Variants in IPPK observed in about 807,000 individuals in gnomAD.
The protein encoded by IPPK is IPK1 homolog.
Under a neutral mutation model 64.6 loss-of-function variants are expected in IPPK, and 22 were observed. That is an observed-to-expected ratio of 0.34 (90% CI 0.24 to 0.49). The LOEUF (loss-of-function observed/expected upper bound fraction) is 0.49, where lower values mean the gene tolerates loss of function less well. IPPK is among the 20% of genes least tolerant of loss of function. The pLI, the probability that IPPK is intolerant of heterozygous loss-of-function variation, is 0.99. For missense variants in IPPK, 532 were observed against 630.7 expected (o/e 0.84, Z 1.68); for synonymous variants, 262 against 247.2 (o/e 1.06, Z -0.56).
intron 4 of IPPK, among the ~76,000 whole-genome samples, chr9:92,650,442 C>T (rs970914038): frequency 3.3e-5 from 5 of 152,152 alleles, no homozygotes; most frequent in Non-Finnish European, 5.9e-5. Flanking sequence ...TCAGCCACAC[C>T]GATGGTCAGC....
intron 11 of IPPK, among the ~76,000 whole-genome samples, chr9:92,622,091 G>A (rs1361789451): frequency 2.0e-5 from 3 of 152,002 alleles, no homozygotes; most frequent in Non-Finnish European, 4.4e-5. Context: ...CATCTCAATA[G>A]AAATAGAAAA....
chr9:92,653,063 G>A (rs543297832), intron 3 of IPPK, among the ~76,000 whole-genome samples: 5 of 152,280 alleles, frequency 3.3e-5, no homozygotes, highest in South Asian at 2.1e-4. Context: ...AGAACCTCAC[G>A]CTTCCACCTG....
intron 11 of IPPK, among the ~76,000 whole-genome samples, chr9:92,633,397 C>T (rs1329400858): frequency 3.3e-5 from 5 of 151,178 alleles, no homozygotes; most frequent in Non-Finnish European, 4.4e-5. Context: ...TTTTTTGAGA[C>T]GGGGCTTGCT....
chr9:92,668,610 A>G (rs994154103), intron 1 of IPPK, among the ~76,000 whole-genome samples: 5 of 152,256 alleles, frequency 3.3e-5, no homozygotes, highest in Admixed American at 6.5e-5. Flanking sequence ...GTTTTGGGAA[A>G]GGATTCAGGG....
intron 3 of IPPK, among the ~76,000 whole-genome samples, chr9:92,652,974 C>G (rs1852298542): frequency 6.6e-6 from 1 of 152,216 alleles, no homozygotes; most frequent in Non-Finnish European, 1.5e-5. Flanking sequence ...GAGCCCCCTT[C>G]TGGTCTCTAC....
At chr9:92,641,429 G>A (rs944508461) in intron 7 of IPPK, among the ~76,000 whole-genome samples, 1 of 152,198 alleles carries the variant, frequency 6.6e-6, no homozygotes, top group African/African-American at 2.4e-5. Flanking sequence ...ACTCCCAAAA[G>A]CCTGCATTCT....
chr9:92,648,099 T>C lies in IPPK; in HGVS notation c.464A>G (p.Lys155Arg), dbSNP rs765362163. 6.2e-7 allele frequency: 1 copy of C among 1,613,594 alleles called. No homozygotes were observed. Reference sequence around the variant, plus strand: ...CATGCAGTATCGACAGACCTTATGCTTCATCTCATGCGTGACATCACTCGA... The same window carrying C: ...CATGCAGTATCGACAGACCTTATGCCTCATCTCATGCGTGACATCACTCGA... ...PFSSDVTHEM[K>R]HKVCRYCMHQ... Residue 155 changes from lysine (K) to arginine (R), a missense_variant, in exon 6 of 13, where the codon AAG becomes AGG. Physicochemically the swap from Lys to Arg is conservative, Grantham distance 26. Coordinates refer to ENST00000287996, the MANE Select transcript of IPPK (RefSeq NM_022755.6).
At chr9:92,629,727 T>G (rs965551227) in intron 11 of IPPK, among the ~76,000 whole-genome samples, 5 of 143,134 alleles carry the variant, frequency 3.5e-5, no homozygotes, top group African/African-American at 5.1e-5. Flanking sequence ...AAAAAAAAAG[T>G]AGGCAAAGGA....
rs760996570 is a variant in IPPK at position 92,669,953 on chromosome 9, C to A, written c.36G>T (p.Gly12=). 6.8e-6 allele frequency: 11 copies of A among 1,613,162 alleles called. No individual in the cohort carries two copies. Among genetic ancestry groups the A allele is most frequent in the Non-Finnish European group, 9.3e-6 (11 of 1,179,480 alleles). The change falls in exon 1 of 13, where the codon GGG becomes GGT. Residue 12 remains glycine, a synonymous_variant. Transcript: ENST00000287996. ...EEGKMDENEW[G]YHGEGNKSLV... is the part of the protein sequence containing the mutation. ...GGCTCTTATTGCCCTCTCCGTGGTA[C>A]CCCCATTCATTCTCGTCCATCTTCC...
chr9:92,617,970 G>C (rs894396221), intron 12 of IPPK: 1 of 333,652 alleles, frequency 3.0e-6, no homozygotes, highest in African/African-American at 2.2e-5. Flanking sequence ...CTATCTGTGA[G>C]CTGCAAATTA....
At chr9:92,649,674 C>T (rs2131450287) in intron 4 of IPPK, 100 bp from the exon 5 acceptor site, 4 of 1,368,176 alleles carry the variant, frequency 2.9e-6, no homozygotes, top group Middle Eastern at 1.9e-4. Context: ...TTCCAGGGGG[C>T]ATCTCTGTAC....
intron 11 of IPPK, among the ~76,000 whole-genome samples, chr9:92,630,085 CT>C (rs1462948669): frequency 1.3e-5 from 2 of 152,176 alleles, no homozygotes; most frequent in South Asian, 2.1e-4. Context: ...CAAAAAAACC[CT>C]GTACCCAAAT....
chr9:92,649,728 C>A (rs925110018), intron 4 of IPPK, among the ~76,000 whole-genome samples, 154 bp from the exon 5 acceptor site: 2 of 152,158 alleles, frequency 1.3e-5, no homozygotes, highest in Middle Eastern at 3.2e-3. Context: ...GGGACACACA[C>A]AGTAACAACG....
intron 1 of IPPK, among the ~76,000 whole-genome samples, chr9:92,662,918 G>C (rs17366488): frequency 0.18 from 27,544 of 152,182 alleles, 3,729 homozygotes; most frequent in East Asian, 0.73. Context: ...CGTGTGCCAA[G>C]GGGCCTAATT....
rs190328622 is a variant in IPPK, at chr9:92,669,133, A to T, written c.81+775T>A. Reference sequence around the variant, plus strand: ...CCTGTGCCTTTAACACCCATGCTCTAACTCCTCCCTACATGACACCTATCC... The same window carrying T: ...CCTGTGCCTTTAACACCCATGCTCTTACTCCTCCCTACATGACACCTATCC... On this transcript the variant is annotated intron_variant, in intron 1 of 12. Transcript: ENST00000287996. Among the ~76,000 whole-genome samples, 1,297 of 152,166 alleles carry T rather than the reference A, an allele frequency of 8.5e-3. 7 individuals are homozygous for T. The highest frequency in any genetic ancestry group is 0.013 in the Non-Finnish European group (859 of 68,004).
At position 92,656,569 on chromosome 9, in the gene IPPK, A is replaced by G. The variant is rs1852377924; in HGVS notation, c.130-18T>C. 1.3e-6 allele frequency: 2 copies of G among 1,549,400 alleles called. No individual in the cohort carries two copies. The highest frequency in any genetic ancestry group is 1.7e-5 in the Admixed American group (1 of 59,910). ...TCCGAGGTCTGTAAGAGACAACCAC[A>G]GGACAGCCTTCGTGATGGGACCTCC... On this transcript the variant is annotated intron_variant, in intron 2 of 12. Coordinates refer to ENST00000287996, the MANE Select transcript of IPPK (RefSeq NM_022755.6).
intron 4 of IPPK, among the ~76,000 whole-genome samples, chr9:92,650,703 C>A (rs148253224): frequency 1.2e-4 from 18 of 152,256 alleles, no homozygotes; most frequent in African/African-American, 3.6e-4. Context: ...GTCCTTCTAG[C>A]GTATTATCAA....
At chr9:92,621,933 GA>G (rs1435139672) in intron 11 of IPPK, among the ~76,000 whole-genome samples, 1 of 152,200 alleles carries the variant, frequency 6.6e-6, no homozygotes, top group Non-Finnish European at 1.5e-5. Context: ...TACAAAAAGA[GA>G]AAGCACAGTT....
intron 3 of IPPK, 64 bp downstream of exon 3, chr9:92,656,392 G>A (rs959053212): frequency 9.9e-6 from 10 of 1,010,288 alleles, no homozygotes; most frequent in African/African-American, 4.7e-5. Flanking sequence ...AAAGATCACC[G>A]GGAAATTGGC....
Sources: allele counts gnomAD v4.1 joint callset (sites outside exome capture counted in the v4.1 genomes callset), GRCh38; gene constraint gnomAD v4.1.1; transcripts MANE v1.5; gene names NCBI Gene and HGNC (gene_info 2026-07-23, HGNC 2026-07-21).